RORA: variants seen among roughly 807,000 people sequenced by gnomAD.
The protein encoded by RORA is nuclear receptor ROR-alpha.
Under a neutral mutation model 69.5 loss-of-function variants are expected in RORA, and 7 were observed. The ratio of observed to expected loss-of-function variants is 0.10; its 90% CI spans 0.06 to 0.19. The LOEUF is 0.19. RORA is among the 10% of genes least tolerant of loss of function. RORA has a pLI of 1.00. For missense variants in RORA, 457 were observed against 663.0 expected (o/e 0.69, Z 3.41); for synonymous variants, 261 against 240.8 (o/e 1.08, Z -0.78).
At chr15:60,739,158 A>G (rs1045207281) in intron 1 of RORA, among the ~76,000 whole-genome samples, 1 of 152,224 alleles carries the variant, frequency 6.6e-6, no homozygotes, top group African/African-American at 2.4e-5. Flanking sequence ...GTGGCCTTGT[A>G]TCTAATGAAA....
At chr15:61,145,021 T>C (rs12910159) in intron 1 of RORA, among the ~76,000 whole-genome samples, 95,505 of 152,070 alleles carry the variant, frequency 0.63, 32,205 homozygotes, top group Non-Finnish European at 0.77. Context: ...TAAAGATATC[T>C]TGATGGTATA....
chr15:61,012,670 G>A (rs1215860817), intron 1 of RORA, among the ~76,000 whole-genome samples: 2 of 148,914 alleles, frequency 1.3e-5, no homozygotes, highest in African/African-American at 4.9e-5. Context: ...TTTTTTTTGA[G>A]ACAAGGTCTC....
At chr15:60,538,960 AC>A (rs1036482861) in intron 2 of RORA, among the ~76,000 whole-genome samples, 29 of 151,718 alleles carry the variant, frequency 1.9e-4, no homozygotes, top group Admixed American at 1.4e-3. Context: ...TTTAAAAAAA[AC>A]ATTTTTCAAT....
intron 1 of RORA, among the ~76,000 whole-genome samples, chr15:60,701,698 C>T (rs2553232): frequency 0.73 from 111,558 of 152,014 alleles, 41,654 homozygotes; most frequent in Admixed American, 0.85. Context: ...TTTTTCCTGC[C>T]CTTGTCCTTG....
chr15:61,042,109 T>A (rs2140473408), intron 1 of RORA, among the ~76,000 whole-genome samples: 1 of 152,300 alleles, frequency 6.6e-6, no homozygotes, highest in South Asian at 2.1e-4. Context: ...GCTAAATCCT[T>A]TCCGGAATAC....
chr15:60,975,841 A>T (rs1356654324), intron 1 of RORA, among the ~76,000 whole-genome samples: 1 of 152,244 alleles, frequency 6.6e-6, no homozygotes, highest in African/African-American at 2.4e-5. Flanking sequence ...ACCAACACTA[A>T]ACACATGCAC....
chr15:61,027,302 G>A (rs1231660342), intron 1 of RORA, among the ~76,000 whole-genome samples: 1 of 152,200 alleles, frequency 6.6e-6, no homozygotes, highest in Non-Finnish European at 1.5e-5. Context: ...GTCTTGGCCT[G>A]AAAACGTATT....
chr15:61,094,202 A>T (rs1437321850), intron 1 of RORA, among the ~76,000 whole-genome samples: 2 of 152,154 alleles, frequency 1.3e-5, no homozygotes, highest in Non-Finnish European at 2.9e-5. Flanking sequence ...AACAAAAATA[A>T]TGAGATTTCC....
intron 1 of RORA, among the ~76,000 whole-genome samples, chr15:60,927,673 C>A (rs193124218): frequency 1.1e-4 from 17 of 152,240 alleles, no homozygotes; most frequent in Admixed American, 5.9e-4. Flanking sequence ...ACTGGGAAGG[C>A]TGAGGCATGA....
At chr15:60,627,268 G>T (rs200892226) in intron 2 of RORA, 1 of 1,614,222 alleles carries the variant, frequency 6.2e-7, no homozygotes, top group Non-Finnish European at 8.5e-7. Flanking sequence ...AGGTGTGGGT[G>T]TGGCAGACAT....
intron 2 of RORA, among the ~76,000 whole-genome samples, chr15:60,574,705 C>A (rs182472702): frequency 2.6e-5 from 4 of 152,328 alleles, no homozygotes; most frequent in African/African-American, 9.6e-5. Context: ...TTACTTCCTT[C>A]TTCCCAAAAA....
At chr15:60,572,541 C>T (rs2067913504) in intron 2 of RORA, among the ~76,000 whole-genome samples, 1 of 152,126 alleles carries the variant, frequency 6.6e-6, no homozygotes, top group Admixed American at 6.5e-5. Flanking sequence ...GTCATACTCC[C>T]TCCTACCATT....
chr15:61,023,014 G>A (rs187013626), intron 1 of RORA, among the ~76,000 whole-genome samples: 77 of 151,834 alleles, frequency 5.1e-4, no homozygotes, highest in African/African-American at 1.0e-3. Context: ...GTGAAACCCC[G>A]TCTCTACTAA....
At chr15:60,916,621 TA>T (rs1891879968) in intron 1 of RORA, among the ~76,000 whole-genome samples, 1 of 152,082 alleles carries the variant, frequency 6.6e-6, no homozygotes, top group Non-Finnish European at 1.5e-5. Context: ...TGGATATATA[TA>T]TATTTTTAAA....
intron 1 of RORA, among the ~76,000 whole-genome samples, chr15:60,818,280 C>CA (rs1567201559): frequency 6.6e-6 from 1 of 152,044 alleles, no homozygotes; most frequent in East Asian, 1.9e-4. Flanking sequence ...TGTTAAAATG[C>CA]AAAAAATAAA....
At chr15:60,639,487 G>A (rs920635225) in intron 2 of RORA, among the ~76,000 whole-genome samples, 2 of 152,070 alleles carry the variant, frequency 1.3e-5, no homozygotes, top group South Asian at 2.1e-4. Flanking sequence ...CCACGTCCCG[G>A]CTTCCAGTGG....
chr15:61,094,280 G>A (rs909752475), intron 1 of RORA, among the ~76,000 whole-genome samples: 1 of 152,144 alleles, frequency 6.6e-6, no homozygotes, highest in Non-Finnish European at 1.5e-5. Flanking sequence ...GATTTAAGAG[G>A]CAGAGATTCA....
chr15:60,933,774 GGCTGC>G (rs1892439668), intron 1 of RORA, among the ~76,000 whole-genome samples: 1 of 152,178 alleles, frequency 6.6e-6, no homozygotes, highest in South Asian at 2.1e-4. Flanking sequence ...TACCAGAGGT[GGCTGC>G]ACATCAGTAA....
At chr15:60,627,523 T>C (rs1384835186) in intron 2 of RORA, 4 of 1,456,874 alleles carry the variant, frequency 2.7e-6, no homozygotes, top group African/African-American at 1.4e-5. Context: ...TCAGAGGCCC[T>C]GTGAATCTGC....
Sources: allele counts gnomAD v4.1 joint callset (sites outside exome capture counted in the v4.1 genomes callset), GRCh38; gene constraint gnomAD v4.1.1; transcripts MANE v1.5; gene names NCBI Gene and HGNC (gene_info 2026-07-23, HGNC 2026-07-21).